The following MROH1 variants were observed in gnomAD, a reference collection of about 807,000 sequenced individuals.
MROH1 encodes the protein maestro heat-like repeat-containing protein family member 1.
MROH1 carries 117 observed loss-of-function variants against 116.5 expected under a neutral mutation model. That is an observed-to-expected ratio of 1.00 (90% CI 0.86 to 1.17). The LOEUF is 1.17. MROH1 is among the 50% of genes most tolerant of loss of function. The pLI, the probability that MROH1 is intolerant of heterozygous loss-of-function variation, is 0.00. For missense variants in MROH1, 1,873 were observed against 1,338.5 expected, an observed-to-expected ratio of 1.40 and a Z score of -6.23; for synonymous variants, 921 against 583.9, an observed-to-expected ratio of 1.58 and a Z score of -8.32.
intron 4 of MROH1, among the ~76,000 whole-genome samples, chr8:144,177,062 G>A (rs1824173665): frequency 6.6e-6 from 1 of 152,144 alleles, no homozygotes; most frequent in African/African-American, 2.4e-5. Context: ...GAATTGGCAG[G>A]TTCCACGTGA....
At chr8:144,152,708 G>C (rs1031357663) in intron 1 of MROH1, among the ~76,000 whole-genome samples, 15 of 151,886 alleles carry the variant, frequency 9.9e-5, no homozygotes, top group Admixed American at 9.9e-4. Flanking sequence ...CACCACACCC[G>C]GCTAATTTTT....
chr8:144,209,903 C>G (rs539833207), intron 12 of MROH1, among the ~76,000 whole-genome samples: 1 of 95,872 alleles, frequency 1.0e-5, no homozygotes, highest in African/African-American at 3.2e-5. Flanking sequence ...GAGACCCTGT[C>G]TCAAAAAAAA....
chr8:144,168,493 G>T (rs1381825860), intron 4 of MROH1, 53 bp downstream of exon 4: 1 of 1,549,118 alleles, frequency 6.5e-7, no homozygotes, highest in Non-Finnish European at 8.7e-7. Flanking sequence ...GTCGGTTGGG[G>T]CTTACTTGGT....
At chr8:144,224,888 A>G (rs1837504137) in intron 14 of MROH1, among the ~76,000 whole-genome samples, 1 of 152,066 alleles carries the variant, frequency 6.6e-6, no homozygotes, top group South Asian at 2.1e-4. Context: ...TGGGGAGGAG[A>G]AGACAAATCA....
At chr8:144,241,691 G>A (rs1841007837) in intron 22 of MROH1, among the ~76,000 whole-genome samples, 174 bp downstream of exon 22, 1 of 152,216 alleles carries the variant, frequency 6.6e-6, no homozygotes, top group Non-Finnish European at 1.5e-5. Context: ...CCAGTGGGGA[G>A]GGCGGCAGAA....
At chr8:144,165,046 C>T (rs899955550) in intron 3 of MROH1, among the ~76,000 whole-genome samples, 1 of 151,318 alleles carries the variant, frequency 6.6e-6, no homozygotes, top group Non-Finnish European at 1.5e-5. Context: ...AGTGCAGTGA[C>T]CTCCTGGGCT....
At position 144,254,901 on chromosome 8, in the gene MROH1, G is replaced by A; in HGVS notation, c.3517G>A (p.Asp1173Asn). ...GCTGCTGCTGGAGAAGATGAGTAGG[G>A]ACGTCCCTTTCAAGGAGAGCCGGGC... ...LGLLLEKMSR[D>N]VPFKESRAFL... is the part of the protein sequence containing the mutation. The change falls in exon 34 of 44, where the codon GAC (aspartate) becomes AAC (asparagine). Residue 1173 changes from aspartate to asparagine, a missense_variant. By Grantham distance (23) the Asp-to-Asn change is conservative. Coordinates refer to ENST00000326134, the MANE Select transcript of MROH1 (RefSeq NM_032450.3). 1 of 778,122 alleles carries A rather than the reference G, an allele frequency of 1.3e-6. No individual in the cohort carries two copies. Among genetic ancestry groups the A allele is most frequent in the Admixed American group, 1.7e-5 (1 of 58,936 alleles). 48.2% of individuals were successfully genotyped at this position (778,122 alleles called of 1,614,324 possible).
At chr8:144,202,556 A>G (rs1588129893) in intron 12 of MROH1, among the ~76,000 whole-genome samples, 1 of 71,690 alleles carries the variant, frequency 1.4e-5, no homozygotes, top group Non-Finnish European at 2.6e-5. Context: ...CTCTGTATGG[A>G]GGGGCAGGGA....
intron 43 of MROH1, 45 bp downstream of exon 43, chr8:144,261,394 C>T (rs1392304525): frequency 1.6e-5 from 11 of 700,500 alleles, no homozygotes; most frequent in African/African-American, 1.0e-4. Flanking sequence ...CCTGCTGACC[C>T]TGTAGGCACC....
intron 5 of MROH1, 45 bp downstream of exon 5, chr8:144,179,631 G>T (rs921974249): frequency 2.7e-5 from 43 of 1,565,984 alleles, no homozygotes; most frequent in Non-Finnish European, 3.5e-5. Context: ...GCCTAGCTTG[G>T]GAAGGGAAGC....
At chr8:144,220,495 C>T (rs1255033327) in intron 12 of MROH1, 105 bp from the exon 13 acceptor site, 14 of 922,022 alleles carry the variant, frequency 1.5e-5, no homozygotes, top group Non-Finnish European at 2.3e-5. Context: ...CTCCCTCTTC[C>T]TCCTACACGG....
chr8:144,260,048 C>A lies in MROH1; in HGVS notation c.4182C>A (p.Cys1394Ter). 1.4e-6 allele frequency: 1 copy of A among 725,734 alleles called. No homozygotes were observed. The highest frequency in any genetic ancestry group is 2.5e-6 in the Non-Finnish European group (1 of 398,464). 45.0% of individuals were successfully genotyped at this position (725,734 alleles called of 1,614,324 possible). A position where few individuals can be genotyped will look rare whatever the true frequency, so the allele number is the denominator to read the frequency against. The change falls in exon 38 of 44, where the codon TGC becomes TGA. Residue 1394 changes from cysteine (C) to a stop codon, truncating the protein, a stop_gained. Transcript: ENST00000326134. LOFTEE classifies it high-confidence loss of function. ...GCCTGGCCAACCTGGCCTCCGGCTG[C>A]CCTGACAAGGTGGGGTGGCCACCAG... Reference protein sequence around the residue: ...LRGLANLASGCPDKVRTHGPQ... With the variant: ...LRGLANLASG
chr8:144,152,374 GT>G lies in MROH1; in HGVS notation c.-177+4305del, dbSNP rs1392839473. Among the ~76,000 whole-genome samples, 607 of 138,234 alleles carry G rather than the reference GT, an allele frequency of 4.4e-3. 1 individual carries two copies. Among genetic ancestry groups the G allele is most frequent in the African/African-American group, 0.015 (577 of 39,122 alleles). The allele number at this position is 138,234 out of a possible 152,430, so 90.7% of individuals were successfully genotyped here. A position where few individuals can be genotyped will look rare whatever the true frequency, so the allele number is the denominator to read the frequency against. Reference sequence around the variant, plus strand: ...ATGATTGGTTTATCATAACTGCCTTGTTTTTTTATTTAAAAAAAATTTTTTT... The same window carrying G: ...ATGATTGGTTTATCATAACTGCCTTGTTTTTTATTTAAAAAAAATTTTTTT... On this transcript the variant is annotated intron_variant, in intron 1 of 43. Coordinates refer to ENST00000326134, the MANE Select transcript of MROH1 (RefSeq NM_032450.3).
intron 12 of MROH1, among the ~76,000 whole-genome samples, chr8:144,202,996 A>G (rs113278456): frequency 0.071 from 8 of 112 alleles, no homozygotes; most frequent in African/African-American, 0.12. Flanking sequence ...GGGGGGGGGG[A>G]GCGCCCGCTG....
rs1296354726 is a variant in MROH1 at position 144,258,839 on chromosome 8, G to A, written c.3854G>A (p.Arg1285His). 24 of 768,712 alleles carry A rather than the reference G, an allele frequency of 3.1e-5. No individual in the cohort carries two copies. Among genetic ancestry groups the A allele is most frequent in the African/African-American group, 1.9e-4 (11 of 58,918 alleles). 47.6% of individuals were successfully genotyped at this position (768,712 alleles called of 1,614,324 possible). The change falls in exon 36 of 44, where the codon CGC becomes CAC. Residue 1285 changes from arginine (R) to histidine (H), a missense_variant. By Grantham distance (29) the Arg-to-His change is conservative (BLOSUM62 0). Coordinates refer to ENST00000326134, the MANE Select transcript of MROH1 (RefSeq NM_032450.3). ...AGCGGCAGCGAGGATGTGGTACAGC[G>A]CATGGACCTGGAGGGAGGCTGGGAA... ...LRSGSEDVVQ[R>H]MDLEGGWELL... is the part of the protein sequence containing the mutation.
intron 12 of MROH1, among the ~76,000 whole-genome samples, chr8:144,216,110 C>T (rs1445491817): frequency 2.0e-5 from 3 of 151,322 alleles, no homozygotes; most frequent in Non-Finnish European, 2.9e-5. Context: ...ACCTGGGAGG[C>T]GGAGGTTGCA....
intron 14 of MROH1, among the ~76,000 whole-genome samples, chr8:144,237,192 A>G (rs1840195110): frequency 6.6e-6 from 1 of 151,710 alleles, no homozygotes; most frequent in South Asian, 2.1e-4. Flanking sequence ...GGCATGAGCC[A>G]CCACGCCTGG....
rs973783982 is a variant in MROH1 at position 144,193,701 on chromosome 8, C to T, written c.948+1300C>T. 4.7e-5 allele frequency among the ~76,000 whole-genome samples: 7 copies of T among 150,526 alleles called. No homozygotes were observed. In the South Asian group the frequency reaches 8.5e-4, roughly 18 times the overall value. Reference sequence around the variant, plus strand: ...TCGGCTCACTGCAACCTCTGCCTCTCGGGTACAAGCGATCTCCTGCCTCAG... The same window carrying T: ...TCGGCTCACTGCAACCTCTGCCTCTTGGGTACAAGCGATCTCCTGCCTCAG... On this transcript the variant is annotated intron_variant, in intron 10 of 43. Coordinates refer to ENST00000326134, the MANE Select transcript of MROH1 (RefSeq NM_032450.3).
chr8:144,187,046 C>T (rs552557690), intron 7 of MROH1, among the ~76,000 whole-genome samples: 1 of 150,132 alleles, frequency 6.7e-6, no homozygotes, highest in East Asian at 2.0e-4. Flanking sequence ...TGCAGTGAGC[C>T]AAGATCACGC....
Sources: gnomAD v4.1 joint callset for allele counts (sites outside exome capture counted in the v4.1 genomes callset) on GRCh38, gnomAD v4.1.1 for gene constraint, MANE v1.5 for transcripts, NCBI Gene and HGNC (gene_info 2026-07-23, HGNC 2026-07-21) for gene names.